The following FARS2 variants were observed in gnomAD, a reference collection of about 807,000 sequenced individuals.
FARS2 encodes the protein phenylalanine--tRNA ligase, mitochondrial.
A neutral mutation model predicts 46.4 loss-of-function variants in FARS2; 40 were observed. The ratio of observed to expected loss-of-function variants is 0.86; its 90% CI spans 0.67 to 1.12. FARS2 has a LOEUF of 1.12. Ranked by LOEUF, FARS2 falls within the 50% of genes most tolerant of loss-of-function variation. The probability of loss-of-function intolerance (pLI) is 0.00; values close to 1 mark genes in which losing one functional copy is unlikely to be tolerated. For missense variants in FARS2, 513 were observed against 567.9 expected (o/e 0.90, Z 0.98); for synonymous variants, 234 against 214.9 (o/e 1.09, Z -0.78).
upstream of FARS2, chr6:5,260,605 CCCCT>C: frequency 1.2e-6 from 1 of 822,288 alleles, no homozygotes; most frequent in Non-Finnish European, 1.9e-6. Context: ...CGGTCCCCGG[CCCCT>C]GGCCCCCCGC....
intron 1 of FARS2, among the ~76,000 whole-genome samples, chr6:5,271,331 G>A (rs1488546057): frequency 6.6e-6 from 1 of 152,056 alleles, no homozygotes; most frequent in Non-Finnish European, 1.5e-5. Context: ...TCATGTCACT[G>A]GCCCTCCTTG....
At chr6:5,585,974 TTTA>T (rs1773593814) in intron 5 of FARS2, among the ~76,000 whole-genome samples, 1 of 152,178 alleles carries the variant, frequency 6.6e-6, no homozygotes, top group African/African-American at 2.4e-5. Context: ...AATTTATGGA[TTTA>T]TGGAGGAAGC....
intron 1 of FARS2, among the ~76,000 whole-genome samples, chr6:5,341,204 T>TAG (rs1771551382): frequency 2.1e-4 from 1 of 4,712 alleles, no homozygotes; most frequent in Non-Finnish European, 5.5e-4. Flanking sequence ...TATATATATA[T>TAG]ATATATATAT....
At chr6:5,281,464 T>C (rs888280953) in intron 1 of FARS2, among the ~76,000 whole-genome samples, 1 of 152,188 alleles carries the variant, frequency 6.6e-6, no homozygotes, top group Non-Finnish European at 1.5e-5. Flanking sequence ...TGGTAAAATA[T>C]ATATAACATG....
intron 1 of FARS2, among the ~76,000 whole-genome samples, chr6:5,307,998 A>G (rs1768836641): frequency 6.6e-6 from 1 of 152,176 alleles, no homozygotes; most frequent in African/African-American, 2.4e-5. Context: ...ACTATTTGCA[A>G]TTTATATGGG....
intron 4 of FARS2, among the ~76,000 whole-genome samples, chr6:5,481,466 C>T (rs751321467): frequency 6.6e-6 from 1 of 152,132 alleles, no homozygotes; most frequent in African/African-American, 2.4e-5. Flanking sequence ...TTTCTTTTGT[C>T]GTTTTTCTGG....
At chr6:5,591,103 G>T (rs569012876) in intron 5 of FARS2, among the ~76,000 whole-genome samples, 1 of 152,252 alleles carries the variant, frequency 6.6e-6, no homozygotes, top group South Asian at 2.1e-4. Flanking sequence ...TTGGACCTTT[G>T]GGGATGGATG....
intron 4 of FARS2, among the ~76,000 whole-genome samples, chr6:5,510,392 A>G (rs569373504): frequency 1.3e-5 from 2 of 151,918 alleles, no homozygotes; most frequent in South Asian, 4.2e-4. Context: ...GGCAACCCCA[A>G]CAGAACTGCG....
At position 5,747,856 on chromosome 6, in the gene FARS2, A is replaced by G. The variant is rs144349611; in HGVS notation, c.1218-23435A>G. On this transcript the variant is annotated intron_variant, in intron 6 of 6. Transcript: ENST00000274680. ...TGAGTTGTCAACCCATTTTTTATACACCCAAGATGCTTCTCTTTTTAAAAT... is the reference window on the plus strand; with the variant it reads ...TGAGTTGTCAACCCATTTTTTATACGCCCAAGATGCTTCTCTTTTTAAAAT... Among the ~76,000 whole-genome samples, 376 of 152,238 alleles carry G rather than the reference A, an allele frequency of 2.5e-3. 2 individuals carry two copies. The highest frequency in any genetic ancestry group is 8.7e-3 in the African/African-American group (361 of 41,538).
At chr6:5,476,992 A>T (rs1766161931) in intron 4 of FARS2, among the ~76,000 whole-genome samples, 1 of 152,162 alleles carries the variant, frequency 6.6e-6, no homozygotes, top group Admixed American at 6.5e-5. Context: ...ATGAAGACAG[A>T]CTACTTTTAT....
chr6:5,300,942 C>T (rs1768257143), intron 1 of FARS2, among the ~76,000 whole-genome samples: 1 of 151,950 alleles, frequency 6.6e-6, no homozygotes, highest in African/African-American at 2.4e-5. Context: ...GCCATGTTGC[C>T]CAGGCTGGTC....
intron 3 of FARS2, among the ~76,000 whole-genome samples, chr6:5,415,310 CTTT>C (rs773981175): frequency 3.7e-5 from 2 of 53,636 alleles, no homozygotes; most frequent in Non-Finnish European, 7.0e-5. Flanking sequence ...CTTTTCTTTT[CTTT>C]TTTTTTTTTT....
intron 6 of FARS2, among the ~76,000 whole-genome samples, chr6:5,680,687 A>C (rs535133200): frequency 6.6e-6 from 1 of 151,564 alleles, no homozygotes; most frequent in South Asian, 2.1e-4. Context: ...ATTTCCTTCT[A>C]ATTTTGTTTT....
At chr6:5,666,000 C>A (rs1012210021) in intron 6 of FARS2, among the ~76,000 whole-genome samples, 1 of 152,096 alleles carries the variant, frequency 6.6e-6, no homozygotes, top group Non-Finnish European at 1.5e-5. Flanking sequence ...ATTGAAGAGA[C>A]CCCGGGAAGG....
chr6:5,429,790 G>A (rs1303432794), intron 3 of FARS2, among the ~76,000 whole-genome samples: 1 of 152,166 alleles, frequency 6.6e-6, no homozygotes, highest in African/African-American at 2.4e-5. Flanking sequence ...TCCAGCCTGG[G>A]TGACAGTGTG....
At chr6:5,707,059 C>A (rs983386109) in intron 6 of FARS2, among the ~76,000 whole-genome samples, 1 of 152,206 alleles carries the variant, frequency 6.6e-6, no homozygotes, top group Non-Finnish European at 1.5e-5. Flanking sequence ...CTTGCTCTCA[C>A]TCACTTCTAT....
chr6:5,271,723 C>T (rs901331884), intron 1 of FARS2, among the ~76,000 whole-genome samples: 5 of 151,758 alleles, frequency 3.3e-5, no homozygotes, highest in African/African-American at 4.8e-5. Flanking sequence ...CCACCACGCC[C>T]GGCTAATTTT....
At chr6:5,666,133 C>A (rs1778106301) in intron 6 of FARS2, among the ~76,000 whole-genome samples, 1 of 152,144 alleles carries the variant, frequency 6.6e-6, no homozygotes, top group South Asian at 2.1e-4. Context: ...CTCAACTAAA[C>A]CCAAAATACT....
chr6:5,696,791 C>T (rs975315423), intron 6 of FARS2, among the ~76,000 whole-genome samples: 20 of 151,954 alleles, frequency 1.3e-4, no homozygotes, highest in African/African-American at 4.6e-4. Flanking sequence ...TAATAAAATG[C>T]TCATTTCTAA....
Sources: gnomAD v4.1 joint callset for allele counts (sites outside exome capture counted in the v4.1 genomes callset) on GRCh38, gnomAD v4.1.1 for gene constraint, MANE v1.5 for transcripts, NCBI Gene and HGNC (gene_info 2026-07-23, HGNC 2026-07-21) for gene names.